Variants in APCDD1L observed in about 807,000 individuals in gnomAD.
APCDD1L encodes the protein APC down-regulated 1 like, also known as protein APCDD1-like.
In APCDD1L, 21 loss-of-function variants were observed where a neutral mutation model predicts 24.2. The observed-to-expected ratio is 0.87, with a 90% CI of 0.61 to 1.25. The LOEUF is 1.25. Among genes scored for constraint, APCDD1L ranks in the 50% most tolerant of loss-of-function variants. APCDD1L has a pLI of 0.00. For missense variants in APCDD1L, 704 were observed against 711.7 expected (o/e 0.99, Z 0.12); for synonymous variants, 321 against 323.6 (o/e 0.99, Z 0.09).
Position 58,514,762 on chromosome 20 carries a change from G to A in APCDD1L, c.-55C>T. Reference sequence around the variant, plus strand: ...GGCGCTGCCACGGTGCGCAAGGGGAGGCGCGGGCGCAGGGCTCTCGGACGG... The same window carrying A: ...GGCGCTGCCACGGTGCGCAAGGGGAAGCGCGGGCGCAGGGCTCTCGGACGG... On this transcript the variant is annotated 5_prime_UTR_variant, in exon 1 of 4. Transcript: ENST00000371149. 8.0e-7 allele frequency: 1 copy of A among 1,253,438 alleles called. No homozygotes were observed. Among genetic ancestry groups the A allele is most frequent in the Non-Finnish European group, 1.0e-6 (1 of 988,700 alleles). The allele number at this position is 1,253,438 out of a possible 1,614,324, so 77.6% of individuals were successfully genotyped here.
chr20:58,513,115 T>G (rs967746652), intron 1 of APCDD1L, among the ~76,000 whole-genome samples: 3 of 152,116 alleles, frequency 2.0e-5, no homozygotes, highest in Non-Finnish European at 4.4e-5. Flanking sequence ...GGGGCATGTG[T>G]CCCACCACTC....
chr20:58,461,103 C>A lies in APCDD1L; in HGVS notation c.1193G>T (p.Gly398Val), dbSNP rs754359933. Residue 398 changes from glycine to valine, a missense_variant, in exon 4 of 4, where the codon GGC becomes GTC. Transcript: ENST00000371149. This position sits in a 1 kb window ranked among gnomAD's most constrained non-coding sequence, Gnocchi z 6.0. The part of the protein sequence containing the change: ...GTERDVTATN[G>V]CLPLGIRLPH... ...GAGCCGGATGCCCAGCGGTAGGCAGCCGTTGGTGGCTGTGACATCCCGCTC... is the reference window on the plus strand; with the variant it reads ...GAGCCGGATGCCCAGCGGTAGGCAGACGTTGGTGGCTGTGACATCCCGCTC... 3 of 1,613,982 alleles carry A rather than the reference C, an allele frequency of 1.9e-6. No individual in the cohort carries two copies. Among genetic ancestry groups the A allele is most frequent in the East Asian group, 2.2e-5 (1 of 44,870 alleles).
intron 3 of APCDD1L, among the ~76,000 whole-genome samples, chr20:58,463,129 A>C (rs540752121): frequency 3.6e-5 from 5 of 139,384 alleles, no homozygotes; most frequent in African/African-American, 1.3e-4. Context: ...GTGACAGAGC[A>C]AGACTCCATC....
At chr20:58,472,903 C>G (rs1025802664) in intron 1 of APCDD1L, among the ~76,000 whole-genome samples, 1 of 152,208 alleles carries the variant, frequency 6.6e-6, no homozygotes, top group African/African-American at 2.4e-5. Flanking sequence ...GAGTCCTGAG[C>G]TGACGGGTGC....
chr20:58,488,446 A>T (rs1298738726), intron 1 of APCDD1L, among the ~76,000 whole-genome samples: 1 of 152,230 alleles, frequency 6.6e-6, no homozygotes, highest in African/African-American at 2.4e-5. Flanking sequence ...CATGTGCAAC[A>T]TTTACAAAAA....
intron 1 of APCDD1L, among the ~76,000 whole-genome samples, chr20:58,491,807 G>A (rs561067855): frequency 3.3e-5 from 5 of 152,194 alleles, no homozygotes; most frequent in Non-Finnish European, 5.9e-5. Context: ...TGTTGTATCA[G>A]AGCTCTTAGA....
intron 1 of APCDD1L, among the ~76,000 whole-genome samples, chr20:58,495,413 A>G (rs2123176654): frequency 6.6e-6 from 1 of 152,318 alleles, no homozygotes; most frequent in East Asian, 1.9e-4. Context: ...GCCTTATCAA[A>G]CGCTGCAGGG....
chr20:58,504,235 G>A (rs189227000), intron 1 of APCDD1L, among the ~76,000 whole-genome samples: 1 of 152,300 alleles, frequency 6.6e-6, no homozygotes, highest in East Asian at 1.9e-4. Flanking sequence ...CATCTCCCTG[G>A]CTTTGGTAAA....
chr20:58,495,015 C>T (rs1365507080), intron 1 of APCDD1L, among the ~76,000 whole-genome samples: 2 of 152,194 alleles, frequency 1.3e-5, no homozygotes, highest in Non-Finnish European at 2.9e-5. Context: ...GCCTGCTGCC[C>T]CCTGCACTCC....
Position 58,467,072 on chromosome 20 carries a change from C to T in APCDD1L, c.741+34G>A, listed in dbSNP as rs1240887952. Reference sequence around the variant, plus strand: ...CGAGCTCGCCTCCCCGAGACCACCACCCCCCTCTCCCACACCCCAACACAC... The same window carrying T: ...CGAGCTCGCCTCCCCGAGACCACCATCCCCCTCTCCCACACCCCAACACAC... On this transcript the variant is annotated intron_variant, in intron 3 of 3. Coordinates refer to ENST00000371149, the MANE Select transcript of APCDD1L (RefSeq NM_153360.3). The surrounding 1 kb of genome is among the most constrained non-coding windows in gnomAD (Gnocchi z 5.9). 1.9e-6 allele frequency: 3 copies of T among 1,555,566 alleles called. No individual in the cohort carries two copies. Among genetic ancestry groups the T allele is most frequent in the Non-Finnish European group, 2.6e-6 (3 of 1,153,914 alleles).
rs900449285 is a variant in APCDD1L, at chr20:58,508,652, G to C, written c.49+6007C>G. Among the ~76,000 whole-genome samples, 3 of 152,146 alleles carry C rather than the reference G, an allele frequency of 2.0e-5. No homozygotes were observed. The highest frequency in any genetic ancestry group is 7.2e-5 in the African/African-American group (3 of 41,420). On this transcript the variant is annotated intron_variant, in intron 1 of 3. Coordinates refer to ENST00000371149, the MANE Select transcript of APCDD1L (RefSeq NM_153360.3). This position sits in a 1 kb window ranked among gnomAD's most constrained non-coding sequence, Gnocchi z 4.0. ...GGGCCCTTCAGTGCAGCTGTGACTG[G>C]GGTTCCCGTCTGCCACTGCTTACAC...
chr20:58,512,903 G>C (rs935532902), intron 1 of APCDD1L, among the ~76,000 whole-genome samples: 2 of 152,020 alleles, frequency 1.3e-5, no homozygotes, highest in African/African-American at 4.8e-5. Flanking sequence ...CCCCTCTCTC[G>C]TCAGGCCCCC....
At chr20:58,489,234 A>G (rs1476442140) in intron 1 of APCDD1L, among the ~76,000 whole-genome samples, 1 of 152,092 alleles carries the variant, frequency 6.6e-6, no homozygotes, top group Non-Finnish European at 1.5e-5. Context: ...ACCAAAACAA[A>G]CAAACAAACA....
chr20:58,513,591 A>C (rs868104277), intron 1 of APCDD1L, among the ~76,000 whole-genome samples: 2 of 152,158 alleles, frequency 1.3e-5, no homozygotes, highest in Non-Finnish European at 2.9e-5. Flanking sequence ...CTCCTTGCCT[A>C]TACATGGAGC....
chr20:58,462,565 C>T lies in APCDD1L; in HGVS notation c.742-1011G>A, dbSNP rs975877844. Among the ~76,000 whole-genome samples, 11 of 152,144 alleles carry T rather than the reference C, an allele frequency of 7.2e-5. No individual in the cohort carries two copies. The East Asian group carries it at 7.7e-4, about 11-fold the overall frequency. On this transcript the variant is annotated intron_variant, in intron 3 of 3. Transcript: ENST00000371149. ...AAAAGCCATCAAAATATGTCTGAGC[C>T]GGGCACAGTGGCTCACACCTGTAAT... is the stretch of plus-strand genomic sequence containing the variant.
chr20:58,505,753 T>A lies in APCDD1L; in HGVS notation c.49+8906A>T, dbSNP rs1990518459. 4.6e-5 allele frequency among the ~76,000 whole-genome samples: 7 copies of A among 152,198 alleles called. No homozygotes were observed. In the South Asian group the frequency reaches 1.5e-3, roughly 32 times the overall value. On this transcript the variant is annotated intron_variant, in intron 1 of 3. Coordinates refer to ENST00000371149, the MANE Select transcript of APCDD1L (RefSeq NM_153360.3). ...CTCAGATTGTGACCTTATTTGGAAA[T>A]AAGGTCACTGCAGGTGTAACTAATT... is the stretch of plus-strand genomic sequence containing the variant.
At chr20:58,490,580 C>T (rs1025957673) in intron 1 of APCDD1L, among the ~76,000 whole-genome samples, 6 of 152,214 alleles carry the variant, frequency 3.9e-5, no homozygotes, top group Admixed American at 1.3e-4. Flanking sequence ...CAAGTGCCAG[C>T]GGTCACTTCA....
At chr20:58,503,732 C>G (rs1031169829) in intron 1 of APCDD1L, among the ~76,000 whole-genome samples, 1 of 152,164 alleles carries the variant, frequency 6.6e-6, no homozygotes, top group Non-Finnish European at 1.5e-5. Context: ...GCTAACTGTT[C>G]AGAGGGCATG....
chr20:58,461,679 C>A lies in APCDD1L; in HGVS notation c.742-125G>T. ...GTGAGGTGCGGCCTGTCCCTCCCTC[C>A]TCTCTCTCCTCACTCCCTGCCTTCA... is the stretch of plus-strand genomic sequence containing the variant. On this transcript the variant is annotated intron_variant, in intron 3 of 3. Coordinates refer to ENST00000371149, the MANE Select transcript of APCDD1L (RefSeq NM_153360.3). This position sits in a 1 kb window ranked among gnomAD's most constrained non-coding sequence, Gnocchi z 6.0. 1 of 971,642 alleles carries A rather than the reference C, an allele frequency of 1.0e-6. No individual in the cohort carries two copies. Among genetic ancestry groups the A allele is most frequent in the Non-Finnish European group, 1.4e-6 (1 of 735,158 alleles). The allele number at this position is 971,642 out of a possible 1,614,324, so 60.2% of individuals were successfully genotyped here.
Sources: gnomAD v4.1 joint callset for allele counts (sites outside exome capture counted in the v4.1 genomes callset) on GRCh38, gnomAD v4.1.1 for gene constraint, Gnocchi (gnomAD v3.1) non-coding constraint, MANE v1.5 for transcripts, NCBI Gene and HGNC (gene_info 2026-07-23, HGNC 2026-07-21) for gene names.